Variants in MAGI2 observed in about 807,000 individuals in gnomAD.
MAGI2 encodes the protein membrane associated guanylate kinase, WW and PDZ domain containing 2.
A neutral mutation model predicts 133.3 loss-of-function variants in MAGI2; 35 were observed. The observed-to-expected ratio is 0.26, with a 90% CI of 0.20 to 0.35. MAGI2 has a LOEUF of 0.35. Among genes scored for constraint, MAGI2 ranks in the 10% least tolerant of loss-of-function variants. MAGI2 has a pLI of 1.00. For synonymous variants in MAGI2, 729 were observed against 710.6 expected, an observed-to-expected ratio of 1.03 and a Z score of -0.41; for missense variants, 1,636 against 1,863.4, an observed-to-expected ratio of 0.88 and a Z score of 2.25.
intron 1 of MAGI2, among the ~76,000 whole-genome samples, chr7:79,204,929 A>G (rs1264801705): frequency 6.6e-6 from 1 of 151,944 alleles, no homozygotes; most frequent in East Asian, 1.9e-4. Flanking sequence ...ACAGTAGAGG[A>G]GAATAAAAGA....
intron 10 of MAGI2, among the ~76,000 whole-genome samples, chr7:78,210,032 A>G (rs1055780108): frequency 2.6e-5 from 4 of 152,036 alleles, no homozygotes; most frequent in African/African-American, 9.7e-5. Context: ...TTCATTGTTA[A>G]TCAAGTTTCC....
chr7:78,356,675 C>G (rs10244261), intron 7 of MAGI2, among the ~76,000 whole-genome samples: 68,745 of 151,944 alleles, frequency 0.45, 16,406 homozygotes, highest in Middle Eastern at 0.57. Flanking sequence ...CAGGGTGGAA[C>G]CTTGAGCGCT....
At chr7:79,375,696 C>T (rs1211848117) in intron 1 of MAGI2, among the ~76,000 whole-genome samples, 3 of 151,632 alleles carry the variant, frequency 2.0e-5, no homozygotes, top group Non-Finnish European at 4.4e-5. Context: ...GCACTGACTA[C>T]AAGAAACATT....
chr7:79,125,483 G>A, intron 1 of MAGI2: 1 of 511,618 alleles, frequency 2.0e-6, no homozygotes, highest in Admixed American at 2.2e-5. Context: ...AGTTACTCCA[G>A]AGGAAGCAGA....
At position 79,141,434 on chromosome 7, in the gene MAGI2, T is replaced by C. The variant is rs1304189725; in HGVS notation, c.302-134228A>G. ...GTCTAAATCCTCACCACCTCATACA[T>C]GTATTAATGTAACATCTACTTCAGA... On this transcript the variant is annotated intron_variant, in intron 1 of 21. Coordinates refer to ENST00000354212, the MANE Select transcript of MAGI2 (RefSeq NM_012301.4). Among the ~76,000 whole-genome samples, 9 of 152,296 alleles carry C rather than the reference T, an allele frequency of 5.9e-5. No homozygotes were observed. The East Asian group carries it at 1.7e-3, about 29-fold the overall frequency.
chr7:79,345,729 G>A (rs1165637814), intron 1 of MAGI2, among the ~76,000 whole-genome samples: 1 of 152,188 alleles, frequency 6.6e-6, no homozygotes. Flanking sequence ...AAACTTTGAG[G>A]CTAAATCACT....
intron 6 of MAGI2, among the ~76,000 whole-genome samples, chr7:78,444,650 A>G (rs994117552): frequency 1.3e-5 from 2 of 151,958 alleles, no homozygotes; most frequent in Non-Finnish European, 2.9e-5. Flanking sequence ...TTGTTTCATA[A>G]TATGATCCTG....
chr7:78,688,824 G>T (rs568665194), intron 2 of MAGI2, among the ~76,000 whole-genome samples: 1 of 152,206 alleles, frequency 6.6e-6, no homozygotes, highest in Admixed American at 6.5e-5. Flanking sequence ...AAATACAACT[G>T]ACAAATGTGT....
chr7:78,852,391 G>A (rs1394485702), intron 2 of MAGI2, among the ~76,000 whole-genome samples: 4 of 151,884 alleles, frequency 2.6e-5, no homozygotes, highest in South Asian at 4.2e-4. Context: ...GTTTTATATA[G>A]TTTTGTTAAT....
At chr7:78,824,224 A>T (rs911706935) in intron 2 of MAGI2, among the ~76,000 whole-genome samples, 1 of 152,216 alleles carries the variant, frequency 6.6e-6, no homozygotes, top group Non-Finnish European at 1.5e-5. Flanking sequence ...ATCAAAGAGA[A>T]GATAAAAGTG....
chr7:78,472,494 A>C (rs4730322), intron 6 of MAGI2, among the ~76,000 whole-genome samples: 1 of 152,076 alleles, frequency 6.6e-6, no homozygotes, highest in Non-Finnish European at 1.5e-5. Context: ...TTTTTTAATA[A>C]TAAGAAAAAA....
rs1440009213 is a variant in MAGI2, at chr7:79,180,589, G to A, written c.302-173383C>T. On this transcript the variant is annotated intron_variant, in intron 1 of 21. Transcript: ENST00000354212. ...CATCCCACAACATGTGGGAATTCAAGAGATTTGGGCAGGGACAGAGCCAAA... is the reference window on the plus strand; with the variant it reads ...CATCCCACAACATGTGGGAATTCAAAAGATTTGGGCAGGGACAGAGCCAAA... 2.0e-5 allele frequency among the ~76,000 whole-genome samples: 3 copies of A among 151,944 alleles called. No homozygotes were observed. In the East Asian group the frequency reaches 5.8e-4, roughly 29 times the overall value.
At chr7:79,441,577 C>T (rs984799732) in intron 1 of MAGI2, among the ~76,000 whole-genome samples, 4 of 151,528 alleles carry the variant, frequency 2.6e-5, no homozygotes, top group African/African-American at 9.7e-5. Flanking sequence ...TTTTTCAAGC[C>T]AGACAGACAG....
intron 21 of MAGI2, among the ~76,000 whole-genome samples, chr7:78,051,648 G>A (rs539679435): frequency 1.3e-5 from 2 of 152,022 alleles, no homozygotes; most frequent in South Asian, 2.1e-4. Context: ...GCAGTGGCGC[G>A]ATCTTGGCTC....
Position 78,149,010 on chromosome 7 carries a change from G to A in MAGI2, c.2845+11015C>T, listed in dbSNP as rs144209937. Among the ~76,000 whole-genome samples, 731 of 152,208 alleles carry A rather than the reference G, an allele frequency of 4.8e-3. 7 individuals are homozygous for A. Among genetic ancestry groups the A allele is most frequent in the African/African-American group, 0.016 (676 of 41,548 alleles). On this transcript the variant is annotated intron_variant, in intron 16 of 21. Transcript: ENST00000354212. Reference sequence around the variant, plus strand: ...CATAGGGAGAGTGGGAATTAGGCTGGAGGCAGGGAAGTAATTTAAAGACCA... The same window carrying A: ...CATAGGGAGAGTGGGAATTAGGCTGAAGGCAGGGAAGTAATTTAAAGACCA...
chr7:78,484,749 A>G (rs1050632082), intron 6 of MAGI2: 1 of 152,040 alleles, frequency 6.6e-6, no homozygotes, highest in Non-Finnish European at 1.5e-5. Context: ...AAGGAAAGAA[A>G]ATGAGCAGTT....
At position 78,046,656 on chromosome 7, in the gene MAGI2, T is replaced by A. The variant is rs546878377; in HGVS notation, c.3707-26680A>T. ...ATGTGTGACCTATGAGGACACTCCTTTTAATCAACGTCCTCTACCAAGCAA... is the reference window on the plus strand; with the variant it reads ...ATGTGTGACCTATGAGGACACTCCTATTAATCAACGTCCTCTACCAAGCAA... On this transcript the variant is annotated intron_variant, in intron 21 of 21. Transcript: ENST00000354212. 9.2e-5 allele frequency among the ~76,000 whole-genome samples: 14 copies of A among 152,264 alleles called. No homozygotes were observed. In the East Asian group the frequency reaches 2.5e-3, roughly 27 times the overall value.
chr7:78,126,882 T>G (rs1028584266), intron 19 of MAGI2, among the ~76,000 whole-genome samples: 1 of 152,252 alleles, frequency 6.6e-6, no homozygotes, highest in African/African-American at 2.4e-5. Context: ...TAGAGCATTT[T>G]TAAAACTTTG....
At chr7:79,422,518 T>G (rs1014199236) in intron 1 of MAGI2, among the ~76,000 whole-genome samples, 1 of 152,012 alleles carries the variant, frequency 6.6e-6, no homozygotes, top group Non-Finnish European at 1.5e-5. Context: ...ATTTTCCCCT[T>G]GCAATTAAAA....
Sources: gnomAD v4.1 joint callset for allele counts (sites outside exome capture counted in the v4.1 genomes callset) on GRCh38, gnomAD v4.1.1 for gene constraint, MANE v1.5 for transcripts, NCBI Gene and HGNC (gene_info 2026-07-23, HGNC 2026-07-21) for gene names.